ARHGAP29: variants seen among roughly 807,000 people sequenced by gnomAD.
The protein encoded by ARHGAP29 is Rho GTPase activating protein 29.
ARHGAP29 carries 43 observed loss-of-function variants against 122.6 expected under a neutral mutation model. That is an observed-to-expected ratio of 0.35 (90% CI 0.27 to 0.45). ARHGAP29 has a LOEUF of 0.45. Ranked by LOEUF, ARHGAP29 falls within the 20% of genes least tolerant of loss-of-function variation. The pLI, the probability that ARHGAP29 is intolerant of heterozygous loss-of-function variation, is 1.00. For synonymous variants in ARHGAP29, 506 were observed against 497.1 expected (o/e 1.02, Z -0.24); for missense variants, 1,303 against 1,477.2 (o/e 0.88, Z 1.93).
chr1:94,205,867 T>C (rs1388811443), intron 5 of ARHGAP29, among the ~76,000 whole-genome samples, 184 bp from the exon 6 acceptor site: 1 of 152,204 alleles, frequency 6.6e-6, no homozygotes, highest in Non-Finnish European at 1.5e-5. Context: ...TCATAGCTTT[T>C]TACAACAGGA....
intron 1 of ARHGAP29, among the ~76,000 whole-genome samples, chr1:94,255,481 G>A (rs946751460): frequency 6.6e-6 from 1 of 152,176 alleles, no homozygotes; most frequent in African/African-American, 2.4e-5. Context: ...AATAATAACA[G>A]CACTGATGGG....
intron 17 of ARHGAP29, 51 bp downstream of exon 17, chr1:94,185,291 G>A: frequency 6.6e-7 from 1 of 1,504,510 alleles, no homozygotes; most frequent in Non-Finnish European, 8.8e-7. Flanking sequence ...AAACAAAAAA[G>A]TATAAAACAA....
chr1:94,224,249 T>G (rs774476665), intron 2 of ARHGAP29, among the ~76,000 whole-genome samples: 2 of 152,212 alleles, frequency 1.3e-5, no homozygotes, highest in Non-Finnish European at 2.9e-5. Context: ...GTGATTATCA[T>G]CACAGAGAGT....
chr1:94,208,708 C>T (rs1651376651), intron 5 of ARHGAP29, 124 bp downstream of exon 5: 7 of 843,608 alleles, frequency 8.3e-6, no homozygotes, highest in Non-Finnish European at 1.3e-5. Context: ...AATCCGCCCA[C>T]CTCGGCCTCC....
chr1:94,191,331 T>C (rs1032976226), intron 12 of ARHGAP29: 1 of 152,180 alleles, frequency 6.6e-6, no homozygotes, highest in African/African-American at 2.4e-5. Flanking sequence ...ATTAGCTTAA[T>C]GTTATTTCAA....
At chr1:94,301,613 G>A in the ARHGAP29 span, among the ~76,000 whole-genome samples, 4 of 152,130 alleles carry the variant, frequency 2.6e-5, no homozygotes, top group African/African-American at 4.8e-5. Flanking sequence ...GGTGGCCAGG[G>A]GGGATGAGGG....
intron 1 of ARHGAP29, among the ~76,000 whole-genome samples, chr1:94,265,323 C>T (rs967915738): frequency 3.3e-5 from 5 of 152,240 alleles, no homozygotes; most frequent in Non-Finnish European, 7.3e-5. Context: ...GCTGCCCTGG[C>T]AGGCATGACC....
At chr1:94,185,142 C>T (rs1158607812) in intron 17 of ARHGAP29, 82 bp from the exon 18 acceptor site, 1 of 1,359,084 alleles carries the variant, frequency 7.4e-7, no homozygotes, top group South Asian at 1.5e-5. Flanking sequence ...GGTAACACAA[C>T]AAAAATGAGT....
At chr1:94,310,095 A>T in the ARHGAP29 span, among the ~76,000 whole-genome samples, 1 of 152,238 alleles carries the variant, frequency 6.6e-6, no homozygotes, top group East Asian at 1.9e-4. Flanking sequence ...TGACCCACAG[A>T]TAAATCAGTC....
intron 3 of ARHGAP29, among the ~76,000 whole-genome samples, chr1:94,215,574 T>C (rs1651911198): frequency 6.6e-6 from 1 of 152,132 alleles, no homozygotes; most frequent in African/African-American, 2.4e-5. Flanking sequence ...GGCGAAAATA[T>C]GAATTACCTG....
At chr1:94,309,518 C>T in the ARHGAP29 span, among the ~76,000 whole-genome samples, 1 of 152,192 alleles carries the variant, frequency 6.6e-6, no homozygotes, top group African/African-American at 2.4e-5. Context: ...GCCACAGACA[C>T]ATTATGCACA....
Position 94,174,697 on chromosome 1 carries a change from T to C in ARHGAP29, c.2958A>G (p.Ile986Met). ...GTGGCTTAGGGGTTTTACCATCTTC[T>C]ATCTTTTGGGATGCTGATTCAGCCT... ...DQEAESASQK[I>M]EDGKTPKPLS... The change falls in exon 23 of 23, where the codon ATA (isoleucine) becomes ATG (methionine). Residue 986 changes from isoleucine to methionine, a missense_variant. Ile to Met is a conservative substitution (Grantham distance 10). Coordinates refer to ENST00000260526, the MANE Select transcript of ARHGAP29 (RefSeq NM_004815.4). The C allele has an allele frequency of 1.2e-6, 2 of 1,614,140 alleles. No homozygotes were observed. Among genetic ancestry groups the C allele is most frequent in the South Asian group, 1.1e-5 (1 of 91,076 alleles).
the ARHGAP29 span, among the ~76,000 whole-genome samples, chr1:94,289,190 G>C: frequency 2.0e-5 from 3 of 152,050 alleles, no homozygotes; most frequent in Non-Finnish European, 4.4e-5. Flanking sequence ...AGTTCTCCTT[G>C]AACAGATCCT....
chr1:94,229,200 G>C (rs1187296665), intron 2 of ARHGAP29, among the ~76,000 whole-genome samples: 1 of 151,724 alleles, frequency 6.6e-6, no homozygotes, highest in East Asian at 1.9e-4. Context: ...TCAATACCCA[G>C]AGACAAAAAG....
chr1:94,286,550 C>T, the ARHGAP29 span, among the ~76,000 whole-genome samples: 3 of 152,042 alleles, frequency 2.0e-5, no homozygotes, highest in Admixed American at 2.0e-4. Context: ...CAACTGTAGT[C>T]CCAGCTACTC....
Position 94,272,437 on chromosome 1 carries a change from G to A in ARHGAP29, c.-33+2575C>T, listed in dbSNP as rs371833075. Among the ~76,000 whole-genome samples, 175 of 152,290 alleles carry A rather than the reference G, an allele frequency of 1.1e-3. 1 individual carries two copies. The South Asian group carries it at 0.012, about 10-fold the overall frequency. On this transcript the variant is annotated intron_variant and NMD_transcript_variant, in intron 1 of 25. Coordinates refer to the ARHGAP29 transcript ENST00000552844. ...GGTGACCATGAAAGTGTGTTGCTCA[G>A]ATCTCCCTTCTGGATAACCAGGTGC...
intron 3 of ARHGAP29, among the ~76,000 whole-genome samples, chr1:94,218,818 T>A (rs778430393): frequency 5.9e-5 from 9 of 152,172 alleles, no homozygotes; most frequent in Non-Finnish European, 1.2e-4. Flanking sequence ...TTTCCTTAAG[T>A]ATATGAACTA....
chr1:94,229,576 A>G (rs942481137), intron 2 of ARHGAP29, among the ~76,000 whole-genome samples: 1 of 151,804 alleles, frequency 6.6e-6, no homozygotes, highest in African/African-American at 2.4e-5. Flanking sequence ...TGAGTTGGTT[A>G]TCAAAAAAAC....
rs376544198 is a variant in ARHGAP29 at position 94,198,967 on chromosome 1, A to G, written c.1281+2753T>C. ...TTGCTGCAAAGCAAAAATAATCGAG[A>G]CACTGGGGCTTTATAAAAAGGACAG... On this transcript the variant is annotated intron_variant, in intron 12 of 22. Coordinates refer to ENST00000260526, the MANE Select transcript of ARHGAP29 (RefSeq NM_004815.4). Among the ~76,000 whole-genome samples, 34 of 152,342 alleles carry G rather than the reference A, an allele frequency of 2.2e-4. No homozygotes were observed. In the South Asian group the frequency reaches 5.6e-3, roughly 25 times the overall value.
Sources: gnomAD v4.1 joint callset for allele counts (sites outside exome capture counted in the v4.1 genomes callset) on GRCh38, gnomAD v4.1.1 for gene constraint, MANE v1.5 for transcripts, NCBI Gene and HGNC (gene_info 2026-07-23, HGNC 2026-07-21) for gene names.